Variants in ATP10A observed in about 807,000 individuals in gnomAD.
ATP10A encodes phospholipid-transporting ATPase VA.
ATP10A carries 111 observed loss-of-function variants against 147.8 expected under a neutral mutation model. The ratio of observed to expected loss-of-function variants is 0.75; its 90% confidence interval spans 0.64 to 0.88. The LOEUF (loss-of-function observed/expected upper bound fraction) is 0.88. Among genes scored for constraint, ATP10A ranks in the 40% least tolerant of loss-of-function variants. The pLI is 0.00. For synonymous variants in ATP10A, 875 were observed against 841.6 expected (o/e 1.04, Z -0.69); for missense variants, 1,927 against 1,959.0 (o/e 0.98, Z 0.31).
intron 1 of ATP10A, among the ~76,000 whole-genome samples, chr15:25,861,141 G>A (rs1893741943): frequency 1.5e-5 from 2 of 134,318 alleles, no homozygotes; most frequent in Admixed American, 1.6e-4. Flanking sequence ...CAAGGCTTGG[G>A]AGCAGGCAGA....
intron 2 of ATP10A, among the ~76,000 whole-genome samples, chr15:25,754,623 G>A (rs553455430): frequency 5.1e-4 from 77 of 152,242 alleles, no homozygotes; most frequent in African/African-American, 1.8e-3. Context: ...CAATCTCAGA[G>A]GTAAAGTCAT....
At position 25,808,406 on chromosome 15, in the gene ATP10A, A is replaced by C. The variant is rs907859742; in HGVS notation, c.450-27183T>G. Among the ~76,000 whole-genome samples, 14 of 34,978 alleles carry C rather than the reference A, an allele frequency of 4.0e-4. No individual in the cohort carries two copies. In the Admixed American group the frequency reaches 5.3e-3, roughly 13 times the overall value. The allele number at this position is 34,978 out of a possible 152,430, so 22.9% of individuals were successfully genotyped here. ...ACAGTTTTGTTTTGTTTTTTGAGAT[A>C]AGAGTTTTGCTCTTGTTTCCCAGAC... On this transcript the variant is annotated intron_variant, in intron 1 of 20. Coordinates refer to ENST00000555815, the MANE Select transcript of ATP10A (RefSeq NM_024490.4).
At chr15:25,705,707 C>T (rs1025886806) in intron 12 of ATP10A, among the ~76,000 whole-genome samples, 7 of 152,142 alleles carry the variant, frequency 4.6e-5, no homozygotes, top group Admixed American at 2.6e-4. Flanking sequence ...GGAGGAAGGT[C>T]GATTTACTGC....
In ATP10A at chr15:25,780,965, G is replaced by A. The variant is rs1889889727; in HGVS notation, c.654+54C>T. Reference sequence around the variant, plus strand: ...CTCTGAGCCCCAGAAGGCTGTCATGGGGACACTGTGTGGCTGTAATGCCTG... The same window carrying A: ...CTCTGAGCCCCAGAAGGCTGTCATGAGGACACTGTGTGGCTGTAATGCCTG... On this transcript the variant is annotated intron_variant, in intron 2 of 20. Coordinates refer to ENST00000555815, the MANE Select transcript of ATP10A (RefSeq NM_024490.4). 7 of 1,572,346 alleles carry A rather than the reference G, an allele frequency of 4.5e-6. No homozygotes were observed. The South Asian group carries it at 7.9e-5, about 18-fold the overall frequency.
intron 2 of ATP10A, among the ~76,000 whole-genome samples, chr15:25,767,448 T>C (rs1193934176): frequency 6.6e-6 from 1 of 152,182 alleles, no homozygotes; most frequent in Non-Finnish European, 1.5e-5. Flanking sequence ...GAACAGGATC[T>C]GGAGCCCAAT....
intron 1 of ATP10A, among the ~76,000 whole-genome samples, chr15:25,858,224 C>T (rs903722600): frequency 6.6e-6 from 1 of 152,318 alleles, no homozygotes; most frequent in South Asian, 2.1e-4. Context: ...GTGGTCCCTG[C>T]GCATTCTTAA....
At position 25,681,068 on chromosome 15, in the gene ATP10A, G is replaced by A. The variant is rs188478723; in HGVS notation, c.3499C>T (p.Arg1167Trp). ...ATGTTAAACCAGAACGTTCGTGGCC[G>A]GTATTCCTGGGACACAAAAACAATC... ...YKSGQNMEEY[R>W]PRTFWFNMAD... The change falls in exon 18 of 21, where the codon CGG (arginine) becomes TGG (tryptophan). Residue 1167 changes from arginine (R) to tryptophan (W), a missense_variant. Transcript: ENST00000555815. The A allele has an allele frequency of 5.6e-6, 9 of 1,613,304 alleles. No homozygotes were observed. The highest frequency in any genetic ancestry group is 2.2e-5 in the East Asian group (1 of 44,870).
At chr15:25,795,819 T>A (rs1414893871) in intron 1 of ATP10A, among the ~76,000 whole-genome samples, 3 of 152,098 alleles carry the variant, frequency 2.0e-5, no homozygotes, top group African/African-American at 7.2e-5. Context: ...GGTGTCTGGG[T>A]CGTGGGGGTG....
At chr15:25,724,858 C>T (rs1567334663) in intron 5 of ATP10A, among the ~76,000 whole-genome samples, 1 of 152,194 alleles carries the variant, frequency 6.6e-6, no homozygotes, top group Non-Finnish European at 1.5e-5. Flanking sequence ...TTCAACCAAC[C>T]ATGGACCAAA....
At position 25,713,927 on chromosome 15, in the gene ATP10A, G is replaced by C. The variant is rs752769432; in HGVS notation, c.2091C>G (p.Ser697Arg). Residue 697 changes from serine to arginine, a missense_variant, in exon 10 of 21, where the codon AGC becomes AGG. By Grantham distance (110) the Ser-to-Arg change is moderately radical (BLOSUM62 -1). Coordinates refer to ENST00000555815, the MANE Select transcript of ATP10A (RefSeq NM_024490.4). ...SERELRYEAE[S>R]PDEAALVYAA... is the part of the protein sequence containing the mutation. ...CATACACCAGTGCGGCCTCATCCGGGCTCTCCGCCTCGTACCGCAGCTCGC... is the reference window on the plus strand; with the variant it reads ...CATACACCAGTGCGGCCTCATCCGGCCTCTCCGCCTCGTACCGCAGCTCGC... 1.2e-6 allele frequency: 2 copies of C among 1,612,352 alleles called. No individual in the cohort carries two copies. The highest frequency in any genetic ancestry group is 2.2e-5 in the South Asian group (2 of 91,076).
intron 2 of ATP10A, among the ~76,000 whole-genome samples, chr15:25,775,500 G>C (rs866501731): frequency 3.3e-5 from 5 of 152,208 alleles, no homozygotes; most frequent in Non-Finnish European, 7.3e-5. Context: ...GTGAAGGTAC[G>C]TGTTTAAGAG....
At chr15:25,752,535 CA>C (rs1455901599) in intron 2 of ATP10A, among the ~76,000 whole-genome samples, 1 of 152,196 alleles carries the variant, frequency 6.6e-6, no homozygotes, top group African/African-American at 2.4e-5. Context: ...TACAACATCT[CA>C]GGTAGACCAC....
At chr15:25,717,045 T>A in intron 8 of ATP10A, 121 bp from the exon 9 acceptor site, 1 of 588,770 alleles carries the variant, frequency 1.7e-6, no homozygotes, top group Non-Finnish European at 2.6e-6. Context: ...ATCTCTCATA[T>A]ACATATATGT....
chr15:25,724,104 A>G, intron 5 of ATP10A, 83 bp from the exon 6 acceptor site: 3 of 1,342,404 alleles, frequency 2.2e-6, no homozygotes, highest in Non-Finnish European at 3.0e-6. Context: ...CAAAACTTTA[A>G]TATTTGTTAC....
chr15:25,797,937 G>A (rs1459229032), intron 1 of ATP10A, among the ~76,000 whole-genome samples: 1 of 152,182 alleles, frequency 6.6e-6, no homozygotes, highest in Admixed American at 6.5e-5. Context: ...TACCCAGAGA[G>A]CACAATAAGA....
intron 1 of ATP10A, among the ~76,000 whole-genome samples, chr15:25,847,803 C>T (rs1893093709): frequency 1.3e-5 from 2 of 151,486 alleles, no homozygotes; most frequent in African/African-American, 2.4e-5. Flanking sequence ...GCTAATTTTT[C>T]GTATTTTTTG....
chr15:25,862,622 C>A lies in ATP10A; in HGVS notation c.449+26G>T, dbSNP rs751235265. On this transcript the variant is annotated intron_variant, in intron 1 of 20. Transcript: ENST00000555815. ...GCGCCCTGCCCTGCGCCACCGCGCG[C>A]TCGCTCGCCCGCCCGCCCAACTCAC... The A allele has an allele frequency of 2.0e-6, 3 of 1,525,990 alleles. No homozygotes were observed. In the South Asian group the frequency reaches 3.8e-5, roughly 19 times the overall value. The allele number at this position is 1,525,990 out of a possible 1,614,324, so 94.5% of individuals were successfully genotyped here. A position where few individuals can be genotyped will look rare whatever the true frequency, so the allele number is the denominator to read the frequency against.
intron 2 of ATP10A, among the ~76,000 whole-genome samples, chr15:25,768,540 CT>C (rs59228132): frequency 0.63 from 83,671 of 132,068 alleles, 25,271 homozygotes; most frequent in East Asian, 0.81. Context: ...CTCTCTCTCT[CT>C]TTTTTTTTTT....
chr15:25,812,173 T>C (rs892752616), intron 1 of ATP10A, among the ~76,000 whole-genome samples: 1 of 151,622 alleles, frequency 6.6e-6, no homozygotes, highest in African/African-American at 2.4e-5. Flanking sequence ...TTTAGTTTAG[T>C]TTTTTTGTTG....
Sources: gnomAD v4.1 joint callset for allele counts (sites outside exome capture counted in the v4.1 genomes callset) on GRCh38, gnomAD v4.1.1 for gene constraint, MANE v1.5 for transcripts, NCBI Gene and HGNC (gene_info 2026-07-23, HGNC 2026-07-21) for gene names.